SPOCK3: variants seen among roughly 807,000 people sequenced by gnomAD.
SPOCK3 encodes the protein testican-3.
SPOCK3 carries 30 observed loss-of-function variants against 56.6 expected under a neutral mutation model. The ratio of observed to expected loss-of-function variants is 0.53; its 90% CI spans 0.40 to 0.72. The LOEUF is 0.72. SPOCK3 is among the 30% of genes least tolerant of loss of function. SPOCK3 has a pLI of 0.00. For synonymous variants in SPOCK3, 196 were observed against 183.3 expected (o/e 1.07, Z -0.56); for missense variants, 527 against 530.0 (o/e 0.99, Z 0.06).
intron 7 of SPOCK3, among the ~76,000 whole-genome samples, chr4:166,765,906 C>T (rs145503924): frequency 0.2 from 29,828 of 151,892 alleles, 3,543 homozygotes; most frequent in South Asian, 0.3. Context: ...CCTTCACATC[C>T]CTTTTAAGTT....
chr4:166,984,240 A>G (rs1325809822), intron 4 of SPOCK3, among the ~76,000 whole-genome samples: 5 of 152,072 alleles, frequency 3.3e-5, no homozygotes, highest in Non-Finnish European at 7.4e-5. Context: ...TCATCTTTAT[A>G]ATGATAATTT....
intron 6 of SPOCK3, among the ~76,000 whole-genome samples, chr4:166,842,330 T>C (rs1188521366): frequency 6.6e-6 from 1 of 152,266 alleles, no homozygotes; most frequent in Non-Finnish European, 1.5e-5. Context: ...AGAGAGCTGA[T>C]TGGTCCATTT....
chr4:167,042,340 TACTGA>T (rs1753304477), intron 3 of SPOCK3, among the ~76,000 whole-genome samples: 1 of 152,192 alleles, frequency 6.6e-6, no homozygotes, highest in African/African-American at 2.4e-5. Context: ...GCTTATAGAA[TACTGA>T]ATTAGAGGAA....
chr4:167,063,672 C>T (rs1755826510), intron 2 of SPOCK3, among the ~76,000 whole-genome samples: 1 of 151,854 alleles, frequency 6.6e-6, no homozygotes, highest in African/African-American at 2.4e-5. Context: ...GCTTTCACCC[C>T]TCACACCGTC....
intron 4 of SPOCK3, among the ~76,000 whole-genome samples, chr4:166,919,181 A>G (rs1334554137): frequency 6.6e-6 from 1 of 152,220 alleles, no homozygotes; most frequent in African/African-American, 2.4e-5. Flanking sequence ...TAAATTTTCA[A>G]TATGAACTGT....
At chr4:167,014,137 G>A (rs1750364018) in intron 3 of SPOCK3, among the ~76,000 whole-genome samples, 1 of 152,068 alleles carries the variant, frequency 6.6e-6, no homozygotes, top group Non-Finnish European at 1.5e-5. Context: ...GCTCCTCCTG[G>A]AGGATCTCTG....
intron 3 of SPOCK3, among the ~76,000 whole-genome samples, chr4:167,039,517 G>A (rs1753065513): frequency 6.6e-6 from 1 of 151,960 alleles, no homozygotes; most frequent in African/African-American, 2.4e-5. Flanking sequence ...GTGTATATAT[G>A]TGTGTGTCTA....
chr4:166,769,247 G>A (rs950795449), intron 7 of SPOCK3, among the ~76,000 whole-genome samples: 1 of 152,184 alleles, frequency 6.6e-6, no homozygotes, highest in Non-Finnish European at 1.5e-5. Flanking sequence ...CGTTCCTTTG[G>A]AGGGGGAGAG....
At chr4:167,220,855 C>T (rs951978967) in intron 2 of SPOCK3, among the ~76,000 whole-genome samples, 1 of 152,104 alleles carries the variant, frequency 6.6e-6, no homozygotes, top group African/African-American at 2.4e-5. Context: ...AAACTACTGA[C>T]ATTTGTAAGA....
chr4:166,964,918 G>C (rs1579825998), intron 4 of SPOCK3, among the ~76,000 whole-genome samples: 1 of 151,736 alleles, frequency 6.6e-6, no homozygotes, highest in East Asian at 1.9e-4. Flanking sequence ...CCATGCCCAG[G>C]AATGTGAACA....
chr4:166,809,112 TTAA>T (rs569798924), intron 6 of SPOCK3, among the ~76,000 whole-genome samples: 178 of 152,094 alleles, frequency 1.2e-3, no homozygotes, highest in Non-Finnish European at 2.1e-3. Flanking sequence ...ACTTCTCTCA[TTAA>T]TAATGAGTTT....
intron 8 of SPOCK3, among the ~76,000 whole-genome samples, chr4:166,746,094 C>T (rs1416467675): frequency 1.3e-5 from 2 of 152,164 alleles, no homozygotes; most frequent in Non-Finnish European, 2.9e-5. Flanking sequence ...AGAAAGTTAA[C>T]AAAGATATCC....
At chr4:166,839,325 T>C (rs1746980181) in intron 6 of SPOCK3, among the ~76,000 whole-genome samples, 1 of 152,100 alleles carries the variant, frequency 6.6e-6, no homozygotes, top group African/African-American at 2.4e-5. Context: ...ACCACTCATA[T>C]GGAATGTCTC....
intron 2 of SPOCK3, among the ~76,000 whole-genome samples, chr4:167,111,032 G>C (rs931713217): frequency 2.6e-4 from 39 of 151,614 alleles, no homozygotes; most frequent in Non-Finnish European, 4.7e-4. Flanking sequence ...CACTTACAGG[G>C]CCAAAAAAAG....
chr4:167,021,409 C>G (rs777191779), intron 3 of SPOCK3, among the ~76,000 whole-genome samples: 2 of 151,866 alleles, frequency 1.3e-5, no homozygotes, highest in East Asian at 3.9e-4. Flanking sequence ...TTGTGATAGC[C>G]CACCCATCAG....
At chr4:166,762,770 T>C (rs147860183) in intron 7 of SPOCK3, among the ~76,000 whole-genome samples, 2 of 152,152 alleles carry the variant, frequency 1.3e-5, no homozygotes, top group East Asian at 3.9e-4. Flanking sequence ...TGCTGGATGG[T>C]ATTAAAAGCA....
chr4:167,062,397 A>G, intron 3 of SPOCK3, 95 bp downstream of exon 3: 1 of 914,684 alleles, frequency 1.1e-6, no homozygotes, highest in Non-Finnish European at 1.6e-6. Context: ...TCTATTTAGT[A>G]TTTTCAAGCC....
chr4:167,046,551 G>T (rs13126575), intron 3 of SPOCK3, among the ~76,000 whole-genome samples: 3,589 of 148,208 alleles, frequency 0.024, 73 homozygotes, highest in Middle Eastern at 0.063. Context: ...TGCCACCGGG[G>T]TTCAAGTGAC....
intron 2 of SPOCK3, among the ~76,000 whole-genome samples, chr4:167,151,907 A>C (rs1431993741): frequency 1.3e-5 from 2 of 152,208 alleles, no homozygotes; most frequent in African/African-American, 4.8e-5. Flanking sequence ...GCCATCTCAC[A>C]GCTAATGACT....
Sources: allele counts gnomAD v4.1 joint callset (sites outside exome capture counted in the v4.1 genomes callset), GRCh38; gene constraint gnomAD v4.1.1; transcripts MANE v1.5; gene names NCBI Gene and HGNC (gene_info 2026-07-23, HGNC 2026-07-21).